The following ATP2B2 variants were observed in gnomAD, a reference collection of about 807,000 sequenced individuals.
ATP2B2 encodes plasma membrane calcium-transporting ATPase 2.
In ATP2B2, 15 loss-of-function variants were observed where a neutral mutation model predicts 120.0. The observed-to-expected ratio is 0.12, with a 90% CI of 0.08 to 0.19. The LOEUF is 0.19. Among genes scored for constraint, ATP2B2 ranks in the 10% least tolerant of loss-of-function variants. ATP2B2 has a pLI of 1.00. For missense variants in ATP2B2, 1,045 were observed against 1,719.8 expected (o/e 0.61, Z 6.94); for synonymous variants, 694 against 700.3 (o/e 0.99, Z 0.14).
At chr3:10,526,894 C>G (rs567879439) in intron 3 of ATP2B2, among the ~76,000 whole-genome samples, 1 of 152,194 alleles carries the variant, frequency 6.6e-6, no homozygotes, top group African/African-American at 2.4e-5. Context: ...GACACTAGCT[C>G]CCAATTTAAG....
At chr3:10,362,883 T>TCA (rs1270907900) in intron 12 of ATP2B2, among the ~76,000 whole-genome samples, 1 of 152,200 alleles carries the variant, frequency 6.6e-6, no homozygotes, top group African/African-American at 2.4e-5. Context: ...TATATATATC[T>TCA]CACACACACA....
intron 2 of ATP2B2, among the ~76,000 whole-genome samples, chr3:10,567,890 A>C (rs538309458): frequency 6.6e-6 from 1 of 152,148 alleles, no homozygotes; most frequent in Non-Finnish European, 1.5e-5. Context: ...GGATTGATGA[A>C]TGGTCAAACT....
At chr3:10,657,724 C>G (rs1351293114) in intron 1 of ATP2B2, among the ~76,000 whole-genome samples, 1 of 152,222 alleles carries the variant, frequency 6.6e-6, no homozygotes, top group African/African-American at 2.4e-5. Context: ...TTAAATGTCC[C>G]TGTCTGACAG....
intron 1 of ATP2B2, among the ~76,000 whole-genome samples, chr3:10,489,187 C>T (rs1471315412): frequency 6.6e-6 from 1 of 152,238 alleles, no homozygotes; most frequent in African/African-American, 2.4e-5. Context: ...AAAGTCTTCC[C>T]TGACCTGATT....
chr3:10,532,036 A>T (rs2067220245), intron 3 of ATP2B2, among the ~76,000 whole-genome samples: 2 of 143,418 alleles, frequency 1.4e-5, no homozygotes, highest in African/African-American at 5.3e-5. Context: ...GCCCTTTCTG[A>T]TGTGCCCCTC....
intron 1 of ATP2B2, among the ~76,000 whole-genome samples, chr3:10,488,515 C>G (rs372614938): frequency 0.035 from 4,189 of 118,112 alleles, 202 homozygotes; most frequent in African/African-American, 0.12. Context: ...TCGTTCCTTC[C>G]TTCCTTCCTT....
At chr3:10,478,453 T>A (rs1323449521) in intron 1 of ATP2B2, among the ~76,000 whole-genome samples, 3 of 152,352 alleles carry the variant, frequency 2.0e-5, no homozygotes, top group Non-Finnish European at 4.4e-5. Flanking sequence ...CTATATTCAG[T>A]GTCATGAAGC....
intron 1 of ATP2B2, among the ~76,000 whole-genome samples, chr3:10,479,179 A>G (rs1389977094): frequency 6.6e-6 from 1 of 152,118 alleles, no homozygotes; most frequent in African/African-American, 2.4e-5. Context: ...TGCCACTTGG[A>G]AAAGCAGTGC....
intron 12 of ATP2B2, 48 bp from the exon 13 acceptor site, chr3:10,360,171 G>T: frequency 6.5e-7 from 1 of 1,542,052 alleles, no homozygotes; most frequent in South Asian, 1.2e-5. Context: ...GCCTGTGTCG[G>T]GAGCCTCTGC....
upstream of ATP2B2, chr3:10,708,056 G>T (rs1361816766): frequency 2.6e-5 from 1 of 37,742 alleles, no homozygotes; most frequent in Non-Finnish European, 5.2e-5. Flanking sequence ...CCGCGGCCCC[G>T]CCGCCGCCCG....
chr3:10,671,196 C>T (rs934931612), intron 1 of ATP2B2, among the ~76,000 whole-genome samples: 4 of 152,178 alleles, frequency 2.6e-5, no homozygotes, highest in Non-Finnish European at 5.9e-5. Flanking sequence ...CAGGATTTTT[C>T]CCTGAAGAAA....
At chr3:10,589,376 G>C (rs1242171198) in intron 2 of ATP2B2, among the ~76,000 whole-genome samples, 1 of 152,204 alleles carries the variant, frequency 6.6e-6, no homozygotes, top group Non-Finnish European at 1.5e-5. Flanking sequence ...CTAAGGTACA[G>C]CCCCAAAGAG....
At chr3:10,384,843 G>C (rs1480195991) in intron 8 of ATP2B2, among the ~76,000 whole-genome samples, 1 of 152,214 alleles carries the variant, frequency 6.6e-6, no homozygotes, top group Non-Finnish European at 1.5e-5. Flanking sequence ...TTTTAGAGTC[G>C]AGGACTAGAG....
At chr3:10,555,726 G>C (rs1476106651) in intron 2 of ATP2B2, among the ~76,000 whole-genome samples, 1 of 152,224 alleles carries the variant, frequency 6.6e-6, no homozygotes, top group African/African-American at 2.4e-5. Context: ...ATAAGATGCT[G>C]TGTGGGAAGG....
intron 22 of ATP2B2, among the ~76,000 whole-genome samples, chr3:10,337,139 G>A (rs529169292): frequency 1.3e-5 from 2 of 152,334 alleles, no homozygotes; most frequent in South Asian, 2.1e-4. Flanking sequence ...CTGGACCTTG[G>A]TAACCTCTAA....
chr3:10,599,551 GT>G (rs1489232847), intron 2 of ATP2B2, among the ~76,000 whole-genome samples: 1 of 152,092 alleles, frequency 6.6e-6, no homozygotes, highest in African/African-American at 2.4e-5. Flanking sequence ...CCTCAGCACT[GT>G]CCAGCATGGG....
chr3:10,356,344 C>T (rs1399490419), intron 14 of ATP2B2, among the ~76,000 whole-genome samples: 1 of 152,126 alleles, frequency 6.6e-6, no homozygotes, highest in African/African-American at 2.4e-5. Flanking sequence ...CTAGATCAGT[C>T]ACTCAAACCT....
chr3:10,509,599 C>G (rs534138200), upstream of ATP2B2, among the ~76,000 whole-genome samples: 10 of 152,314 alleles, frequency 6.6e-5, no homozygotes, highest in South Asian at 2.1e-3. Flanking sequence ...ACCCTAGGCC[C>G]CTCTCTCTGC....
chr3:10,686,421 G>A (rs112876270), intron 1 of ATP2B2, among the ~76,000 whole-genome samples: 5,483 of 152,218 alleles, frequency 0.036, 106 homozygotes, highest in South Asian at 0.072. Context: ...TTGGGAGGCC[G>A]AGGCGGGCGG....
Sources: gnomAD v4.1 joint callset for allele counts (sites outside exome capture counted in the v4.1 genomes callset) on GRCh38, gnomAD v4.1.1 for gene constraint, MANE v1.5 for transcripts, NCBI Gene and HGNC (gene_info 2026-07-23, HGNC 2026-07-21) for gene names.